The following TRIM61 variants were observed in gnomAD, a reference collection of about 807,000 sequenced individuals.
The protein encoded by TRIM61 is tripartite motif containing 61, also known as putative tripartite motif-containing protein 61.
In TRIM61, 1 loss-of-function variant was observed where a neutral mutation model predicts 14.2. The observed-to-expected ratio is 0.07, with a 90% CI of 0.03 to 0.33. TRIM61 has a LOEUF of 0.33. Among genes scored for constraint, TRIM61 ranks in the 10% least tolerant of loss-of-function variants. TRIM61 has a pLI of 0.99. For missense variants in TRIM61, 19 were observed against 202.2 expected (o/e 0.09, Z 5.49); for synonymous variants, 8 against 71.6 (o/e 0.11, Z 4.49).
chr4:164,965,219 G>A (rs1404783586), intron 3 of TRIM61, among the ~76,000 whole-genome samples: 1 of 152,058 alleles, frequency 6.6e-6, no homozygotes, highest in Non-Finnish European at 1.5e-5. Context: ...ATCCGGGAGA[G>A]GGAGGCTGCA....
In TRIM61 at chr4:164,957,532, A is replaced by G. The variant is rs1359369196; in HGVS notation, c.526-2436T>C. 4.5e-6 allele frequency: 7 copies of G among 1,553,542 alleles called. No homozygotes were observed. In the African/African-American group the frequency reaches 6.9e-5, roughly 15 times the overall value. Reference sequence around the variant, plus strand: ...CTCAAGGAAGAAGCTCACAGGGGACATCTGACATCTGAAACAGCAAGTGTA... The same window carrying G: ...CTCAAGGAAGAAGCTCACAGGGGACGTCTGACATCTGAAACAGCAAGTGTA... On this transcript the variant is annotated intron_variant, in intron 3 of 4. Coordinates refer to ENST00000329314, the MANE Select transcript of TRIM61 (RefSeq NM_001012414.3).
intron 2 of TRIM61, among the ~76,000 whole-genome samples, chr4:164,976,226 GGCCGGT>G (rs1204598573): frequency 2.0e-5 from 3 of 152,214 alleles, no homozygotes; most frequent in Admixed American, 6.5e-5. Context: ...GGAACTCAGA[GGCCGGT>G]GCCGGTGCAG....
chr4:164,971,850 C>T (rs753699202), intron 2 of TRIM61, among the ~76,000 whole-genome samples: 2 of 152,124 alleles, frequency 1.3e-5, no homozygotes, highest in Non-Finnish European at 2.9e-5. Flanking sequence ...TTTTCCCCTT[C>T]ACCTCCTTTC....
intron 3 of TRIM61, among the ~76,000 whole-genome samples, chr4:164,965,576 G>C (rs1732222524): frequency 6.6e-6 from 1 of 150,968 alleles, no homozygotes; most frequent in Non-Finnish European, 1.5e-5. Context: ...TGGGACTACA[G>C]GTGCATGCCA....
At chr4:164,965,957 A>T (rs1195842004) in intron 3 of TRIM61, among the ~76,000 whole-genome samples, 2 of 152,120 alleles carry the variant, frequency 1.3e-5, no homozygotes, top group Non-Finnish European at 2.9e-5. Context: ...TGCTCAAATT[A>T]AACAAGAAAC....
chr4:164,958,987 A>C (rs1159400333), intron 3 of TRIM61: 1 of 167,102 alleles, frequency 6.0e-6, no homozygotes, highest in Non-Finnish European at 1.5e-5. Flanking sequence ...AAATATCCAA[A>C]TATGGTAATA....
chr4:164,962,389 T>TTGTGTGTGTGTGTGTG lies in TRIM61; in HGVS notation c.525+7073_525+7088dup, dbSNP rs147058101. Reference sequence around the variant, plus strand: ...GCGCCTGCCACCATGCCTGGCTAATTTGTGTGTGTGTGTGTGTGTGTGTGT... The same window carrying TTGTGTGTGTGTGTGTG: ...GCGCCTGCCACCATGCCTGGCTAATTTGTGTGTGTGTGTGTGTGTGTGTGTGTGTGTGTGTGTGTGT... On this transcript the variant is annotated intron_variant, in intron 3 of 4. Coordinates refer to ENST00000329314, the MANE Select transcript of TRIM61 (RefSeq NM_001012414.3). Among the ~76,000 whole-genome samples, 380 of 146,502 alleles carry TTGTGTGTGTGTGTGTG rather than the reference T, an allele frequency of 2.6e-3. 3 individuals carry two copies. Among genetic ancestry groups the TTGTGTGTGTGTGTGTG allele is most frequent in the African/African-American group, 9.1e-3 (360 of 39,590 alleles).
intron 3 of TRIM61, among the ~76,000 whole-genome samples, chr4:164,956,199 G>A (rs1176258005): frequency 6.6e-6 from 1 of 152,154 alleles, no homozygotes; most frequent in Non-Finnish European, 1.5e-5. Flanking sequence ...CGGAGTAGCT[G>A]GGACCACAGG....
At chr4:164,956,838 G>C in intron 3 of TRIM61, 1 of 609,844 alleles carries the variant, frequency 1.6e-6, no homozygotes, top group Non-Finnish European at 2.8e-6. Context: ...GGCTCTCAAG[G>C]GGCTTCAGCA....
chr4:164,974,607 C>T (rs11100586), intron 2 of TRIM61, among the ~76,000 whole-genome samples: 4 of 151,968 alleles, frequency 2.6e-5, no homozygotes, highest in Admixed American at 2.6e-4. Flanking sequence ...GGCCGGGAGT[C>T]GTGGCTTCAG....
At chr4:164,956,980 G>A (rs1312514404) in intron 3 of TRIM61, 1 of 1,450,014 alleles carries the variant, frequency 6.9e-7, no homozygotes, top group Non-Finnish European at 9.1e-7. Flanking sequence ...GTGAAGGTGT[G>A]GCGCGACGTT....
intron 3 of TRIM61, among the ~76,000 whole-genome samples, chr4:164,955,568 C>CA (rs10716862): frequency 0.047 from 3,592 of 76,702 alleles, 171 homozygotes; most frequent in Admixed American, 0.12. Flanking sequence ...GATTCAGTCT[C>CA]AAAAAAAAAA....
At chr4:164,963,516 C>T (rs543169648) in intron 3 of TRIM61, among the ~76,000 whole-genome samples, 10 of 152,086 alleles carry the variant, frequency 6.6e-5, no homozygotes, top group South Asian at 2.1e-4. Context: ...TGCCAAGGCA[C>T]GCAGATCACC....
At chr4:164,969,427 T>C (rs1228166795) in intron 3 of TRIM61, 1 of 1,580,632 alleles carries the variant, frequency 6.3e-7, no homozygotes, top group Non-Finnish European at 8.6e-7. Flanking sequence ...TTTGGAGAAA[T>C]AACCTAAGTT....
chr4:164,960,282 T>C (rs1478549670), intron 3 of TRIM61, among the ~76,000 whole-genome samples: 2 of 152,064 alleles, frequency 1.3e-5, no homozygotes, highest in Admixed American at 6.6e-5. Flanking sequence ...CGATGGTTCA[T>C]GCTTGTAATC....
rs1491451011 is a variant in TRIM61 at position 164,969,717 on chromosome 4, CAT to C, written c.284_285del (p.His95ArgfsTer3). ...AAAACCTGATTATGCTTCTTACACA[CAT>C]GCTTCTCTTCCTGCCTCTTCCTCTT... On this transcript the variant is annotated frameshift_variant, in exon 3 of 5. Transcript: ENST00000329314. LOFTEE classifies it high-confidence loss of function. 6.2e-7 allele frequency: 1 copy of C among 1,603,668 alleles called. No individual in the cohort carries two copies. Among genetic ancestry groups the C allele is most frequent in the African/African-American group, 1.3e-5 (1 of 74,710 alleles).
chr4:164,966,947 A>G (rs1481628945), intron 3 of TRIM61, among the ~76,000 whole-genome samples: 4 of 152,054 alleles, frequency 2.6e-5, no homozygotes, highest in African/African-American at 9.7e-5. Context: ...AAAAAATAAA[A>G]AGAGAAAAAT....
At chr4:164,957,130 G>C in intron 3 of TRIM61, 1 of 1,601,120 alleles carries the variant, frequency 6.2e-7, no homozygotes, top group Non-Finnish European at 8.5e-7. Context: ...TGCGTTCCTG[G>C]TGCAGGGCTT....
At chr4:164,962,823 A>C (rs1395880439) in intron 3 of TRIM61, among the ~76,000 whole-genome samples, 1 of 152,170 alleles carries the variant, frequency 6.6e-6, no homozygotes, top group Non-Finnish European at 1.5e-5. Flanking sequence ...GCAGTTTAAA[A>C]CAATAATATA....
Sources: gnomAD v4.1 joint callset for allele counts (sites outside exome capture counted in the v4.1 genomes callset) on GRCh38, gnomAD v4.1.1 for gene constraint, MANE v1.5 for transcripts, NCBI Gene and HGNC (gene_info 2026-07-23, HGNC 2026-07-21) for gene names.